The following ADAMTS12 variants were observed in gnomAD, a reference collection of about 807,000 sequenced individuals.
ADAMTS12 encodes the protein ADAM metallopeptidase with thrombospondin type 1 motif 12.
In ADAMTS12, 118 loss-of-function variants were observed where a neutral mutation model predicts 167.8. The ratio of observed to expected loss-of-function variants is 0.70; its 90% CI spans 0.61 to 0.82. ADAMTS12 has a LOEUF of 0.82. Among genes scored for constraint, ADAMTS12 ranks in the 40% least tolerant of loss-of-function variants. The pLI is 0.00. For synonymous variants in ADAMTS12, 704 were observed against 716.9 expected (o/e 0.98, Z 0.29); for missense variants, 1,916 against 1,998.8 (o/e 0.96, Z 0.79).
intron 14 of ADAMTS12, among the ~76,000 whole-genome samples, chr5:33,617,422 A>C (rs1739079989): frequency 6.6e-6 from 1 of 152,112 alleles, no homozygotes; most frequent in East Asian, 1.9e-4. Flanking sequence ...CAGCAAGAAT[A>C]ATTTGCTCTG....
At chr5:33,879,343 G>A in intron 2 of ADAMTS12, among the ~76,000 whole-genome samples, 1 of 152,104 alleles carries the variant, frequency 6.6e-6, no homozygotes, top group East Asian at 1.9e-4. Context: ...TCCATCCCAT[G>A]GAAAGATGCT....
intron 14 of ADAMTS12, among the ~76,000 whole-genome samples, chr5:33,617,758 T>C (rs1739100968): frequency 6.6e-6 from 1 of 152,048 alleles, no homozygotes; most frequent in Admixed American, 6.6e-5. Flanking sequence ...GTCTACCACC[T>C]TGCTCCTTGC....
At position 33,791,536 on chromosome 5, in the gene ADAMTS12, A is replaced by G. The variant is rs565805673; in HGVS notation, c.490-39988T>C. Among the ~76,000 whole-genome samples the G allele has an allele frequency of 2.4e-4, 37 of 152,258 alleles. No homozygotes were observed. The Middle Eastern group carries it at 0.01, about 42-fold the overall frequency. On this transcript the variant is annotated intron_variant, in intron 2 of 23. Transcript: ENST00000504830. Reference sequence around the variant, plus strand: ...CTAGGAAAAGTGTTTATCCAAGCCAATCAGATTTTTATCACCTGGGAATTA... The same window carrying G: ...CTAGGAAAAGTGTTTATCCAAGCCAGTCAGATTTTTATCACCTGGGAATTA...
intron 22 of ADAMTS12, among the ~76,000 whole-genome samples, chr5:33,537,813 A>G (rs1368933588): frequency 6.6e-6 from 1 of 152,250 alleles, no homozygotes; most frequent in Non-Finnish European, 1.5e-5. Flanking sequence ...GAACAATGAG[A>G]ATTACAAACA....
intron 23 of ADAMTS12, among the ~76,000 whole-genome samples, chr5:33,531,118 G>A (rs1744078958): frequency 6.6e-6 from 1 of 152,202 alleles, no homozygotes; most frequent in Non-Finnish European, 1.5e-5. Context: ...ACAGCCATGT[G>A]GTAATGGAGG....
intron 18 of ADAMTS12, among the ~76,000 whole-genome samples, chr5:33,584,749 G>A (rs928411285): frequency 3.3e-5 from 5 of 152,182 alleles, no homozygotes; most frequent in African/African-American, 1.2e-4. Flanking sequence ...CAATTAGATT[G>A]CCAGGGCTGG....
chr5:33,841,967 A>T (rs112278807), intron 2 of ADAMTS12, among the ~76,000 whole-genome samples: 11 of 152,266 alleles, frequency 7.2e-5, no homozygotes, highest in African/African-American at 2.6e-4. Context: ...ACCCTGACAC[A>T]TCTTCATTTT....
chr5:33,570,297 G>C, intron 19 of ADAMTS12, among the ~76,000 whole-genome samples: 2 of 152,192 alleles, frequency 1.3e-5, no homozygotes, highest in Non-Finnish European at 2.9e-5. Flanking sequence ...GTAATTGTCA[G>C]ATTCACCAAA....
chr5:33,533,087 T>C (rs777875968), intron 23 of ADAMTS12, among the ~76,000 whole-genome samples: 10 of 152,240 alleles, frequency 6.6e-5, no homozygotes, highest in African/African-American at 9.6e-5. Flanking sequence ...CAGCCAACTA[T>C]TCGTCGCCAT....
chr5:33,766,257 G>A (rs1241846301), intron 2 of ADAMTS12, among the ~76,000 whole-genome samples: 1 of 152,122 alleles, frequency 6.6e-6, no homozygotes, highest in African/African-American at 2.4e-5. Context: ...TGATACATGT[G>A]CCCTAGATAT....
intron 2 of ADAMTS12, among the ~76,000 whole-genome samples, chr5:33,790,145 C>T (rs967468644): frequency 2.0e-5 from 3 of 152,200 alleles, no homozygotes; most frequent in Non-Finnish European, 4.4e-5. Context: ...CGGCCAGAGT[C>T]CACACATAGT....
At chr5:33,821,248 C>T (rs577756514) in intron 2 of ADAMTS12, among the ~76,000 whole-genome samples, 1 of 152,206 alleles carries the variant, frequency 6.6e-6, no homozygotes, top group South Asian at 2.1e-4. Context: ...AATTTTGAGT[C>T]ATATCATGTA....
At chr5:33,637,882 C>A (rs1329313247) in intron 11 of ADAMTS12, 136 bp from the exon 12 acceptor site, 10 of 877,030 alleles carry the variant, frequency 1.1e-5, no homozygotes, top group Non-Finnish European at 1.7e-5. Context: ...ATAACTGCTT[C>A]AAATTTTACA....
intron 1 of ADAMTS12, 118 bp downstream of exon 1, chr5:33,891,612 A>T: frequency 2.0e-6 from 3 of 1,479,226 alleles, no homozygotes; most frequent in South Asian, 1.3e-5. Flanking sequence ...CTTACAACGC[A>T]GCCAAATGGC....
At chr5:33,554,371 T>C (rs1490914894) in intron 20 of ADAMTS12, among the ~76,000 whole-genome samples, 1 of 152,164 alleles carries the variant, frequency 6.6e-6, no homozygotes, top group East Asian at 1.9e-4. Flanking sequence ...TGGACATTGG[T>C]GGTCTTGGGG....
intron 3 of ADAMTS12, among the ~76,000 whole-genome samples, chr5:33,741,460 T>G (rs1282658793): frequency 6.6e-6 from 1 of 152,168 alleles, no homozygotes; most frequent in African/African-American, 2.4e-5. Flanking sequence ...TTTAATTTAA[T>G]TAGGTCTTTA....
chr5:33,849,126 AATAT>A (rs761824237), intron 2 of ADAMTS12, among the ~76,000 whole-genome samples: 4 of 74,094 alleles, frequency 5.4e-5, no homozygotes, highest in Non-Finnish European at 1.0e-4. Flanking sequence ...ATTGCATAGC[AATAT>A]ATATATATGT....
At chr5:33,554,849 TCC>T (rs1463628229) in intron 20 of ADAMTS12, among the ~76,000 whole-genome samples, 2 of 152,068 alleles carry the variant, frequency 1.3e-5, no homozygotes, top group Non-Finnish European at 2.9e-5. Context: ...ATACATGAAA[TCC>T]AAGGCCATAA....
chr5:33,836,972 C>T (rs967205462), intron 2 of ADAMTS12, among the ~76,000 whole-genome samples: 5 of 151,984 alleles, frequency 3.3e-5, no homozygotes, highest in Admixed American at 3.3e-4. Flanking sequence ...TGGTCCTGAA[C>T]TCCTAGGCCC....
Sources: gnomAD v4.1 joint callset for allele counts (sites outside exome capture counted in the v4.1 genomes callset) on GRCh38, gnomAD v4.1.1 for gene constraint, MANE v1.5 for transcripts, NCBI Gene and HGNC (gene_info 2026-07-23, HGNC 2026-07-21) for gene names.